Variants in ERBIN observed in about 807,000 individuals in gnomAD.
The protein encoded by ERBIN is densin-180-like protein.
A neutral mutation model predicts 158.4 loss-of-function variants in ERBIN; 60 were observed. The observed-to-expected ratio is 0.38, with a 90% CI of 0.31 to 0.47. The LOEUF is 0.47. Among genes scored for constraint, ERBIN ranks in the 20% least tolerant of loss-of-function variants. ERBIN has a pLI of 0.99. For synonymous variants in ERBIN, 594 were observed against 557.2 expected, an observed-to-expected ratio of 1.07 and a Z score of -0.93; for missense variants, 1,610 against 1,648.0, an observed-to-expected ratio of 0.98 and a Z score of 0.40.
chr5:65,977,439 A>G (rs184976680), intron 1 of ERBIN, among the ~76,000 whole-genome samples: 19,064 of 147,500 alleles, frequency 0.13, 967 homozygotes, highest in South Asian at 0.28. Flanking sequence ...CACTTCTCGG[A>G]CGGGGTGGTT....
At chr5:66,033,692 G>A (rs1312239851) in intron 14 of ERBIN, among the ~76,000 whole-genome samples, 1 of 152,182 alleles carries the variant, frequency 6.6e-6, no homozygotes, top group African/African-American at 2.4e-5. Context: ...AAGAAGGTTG[G>A]ATGAGAAGGA....
At chr5:66,055,515 A>G (rs1417745572) in intron 21 of ERBIN, among the ~76,000 whole-genome samples, 4 of 152,168 alleles carry the variant, frequency 2.6e-5, no homozygotes, top group African/African-American at 9.7e-5. Flanking sequence ...AGTGTTGCTT[A>G]GCAATAGTTG....
intron 16 of ERBIN, 54 bp from the exon 17 acceptor site, chr5:66,044,083 A>G: frequency 7.5e-7 from 1 of 1,332,320 alleles, no homozygotes; most frequent in Non-Finnish European, 1.0e-6. Context: ...ATTTTGTTTG[A>G]GATTGACATT....
intron 1 of ERBIN, among the ~76,000 whole-genome samples, chr5:65,949,951 C>T (rs980752535): frequency 6.6e-6 from 1 of 152,098 alleles, no homozygotes; most frequent in Non-Finnish European, 1.5e-5. Flanking sequence ...GGATTACAGG[C>T]GTGAGCCACT....
At chr5:65,980,510 G>T (rs1359069526) in intron 1 of ERBIN, among the ~76,000 whole-genome samples, 1 of 152,118 alleles carries the variant, frequency 6.6e-6, no homozygotes, top group Admixed American at 6.5e-5. Context: ...AAATATGAAA[G>T]ATCTAAGCCC....
chr5:65,966,886 A>G, intron 1 of ERBIN, among the ~76,000 whole-genome samples: 1 of 152,016 alleles, frequency 6.6e-6, no homozygotes, highest in South Asian at 2.1e-4. Context: ...GGCCTAGGCT[A>G]ATGTGTGTGT....
At position 66,078,655 on chromosome 5, in the gene ERBIN, C is replaced by A; in HGVS notation, c.*125C>A. Reference sequence around the variant, plus strand: ...TCAAAAAATTATGTTCAAATTTGTACATTAATGAAATAATGGAACTTGTGG... The same window carrying A: ...TCAAAAAATTATGTTCAAATTTGTAAATTAATGAAATAATGGAACTTGTGG... On this transcript the variant is annotated 3_prime_UTR_variant, in exon 26 of 26. Transcript: ENST00000284037. 1 of 656,980 alleles carries A rather than the reference C, an allele frequency of 1.5e-6. No homozygotes were observed. The highest frequency in any genetic ancestry group is 2.7e-6 in the Non-Finnish European group (1 of 374,838). The allele number at this position is 656,980 out of a possible 1,614,324, so 40.7% of individuals were successfully genotyped here.
At position 66,076,952 on chromosome 5, in the gene ERBIN, A is replaced by G; in HGVS notation, c.4131+3A>G. On this transcript the variant is annotated splice_donor_region_variant and intron_variant, in intron 25 of 25. Transcript: ENST00000284037. ...AGCCAGGTGATAAAATTATTCAGGT[A>G]ATTAAAATAAATCTTTTTTTTTTTC... The G allele has an allele frequency of 6.4e-7, 1 of 1,571,544 alleles. No individual in the cohort carries two copies. The highest frequency in any genetic ancestry group is 8.7e-7 in the Non-Finnish European group (1 of 1,149,200).
At chr5:66,077,768 A>ACACACACC in intron 25 of ERBIN, among the ~76,000 whole-genome samples, 1 of 136,384 alleles carries the variant, frequency 7.3e-6, no homozygotes, top group Non-Finnish European at 1.6e-5. Context: ...CTACACACAC[A>ACACACACC]CACACACACA....
chr5:65,948,603 G>C (rs1746097514), intron 1 of ERBIN, among the ~76,000 whole-genome samples: 1 of 151,846 alleles, frequency 6.6e-6, no homozygotes, highest in Non-Finnish European at 1.5e-5. Context: ...TTTCTAACTT[G>C]ACCTAAAGAT....
intron 21 of ERBIN, among the ~76,000 whole-genome samples, chr5:66,070,860 A>G (rs574596136): frequency 1.3e-5 from 2 of 152,328 alleles, no homozygotes; most frequent in East Asian, 3.9e-4. Context: ...TGTCATAACA[A>G]AGTAGATTTT....
chr5:65,946,642 A>T (rs1326873560), intron 1 of ERBIN, among the ~76,000 whole-genome samples: 1 of 152,216 alleles, frequency 6.6e-6, no homozygotes, highest in Non-Finnish European at 1.5e-5. Context: ...TCACTGGGAT[A>T]AAAGTATAAG....
At chr5:66,058,324 G>A (rs189782259) in intron 21 of ERBIN, among the ~76,000 whole-genome samples, 2 of 152,142 alleles carry the variant, frequency 1.3e-5, no homozygotes, top group Admixed American at 6.5e-5. Context: ...TTTTTTGGCT[G>A]CATAAGTGTC....
At chr5:66,060,582 T>C (rs13435979) in intron 21 of ERBIN, among the ~76,000 whole-genome samples, 10,056 of 152,044 alleles carry the variant, frequency 0.066, 1,177 homozygotes, top group African/African-American at 0.23. Context: ...CTTCTGCTAG[T>C]TTTTGAATGT....
At chr5:66,066,413 A>G (rs1760995334) in intron 21 of ERBIN, among the ~76,000 whole-genome samples, 1 of 152,032 alleles carries the variant, frequency 6.6e-6, no homozygotes, top group South Asian at 2.1e-4. Context: ...TTCCCAAATT[A>G]AAATTTGCTA....
chr5:65,990,148 AAGG>A (rs1439741660), intron 2 of ERBIN, among the ~76,000 whole-genome samples: 1 of 152,148 alleles, frequency 6.6e-6, no homozygotes, highest in Non-Finnish European at 1.5e-5. Context: ...TTAAATTCTG[AAGG>A]AGGAGTATGT....
rs200001385 is a variant in ERBIN at position 65,992,678 on chromosome 5, G to A, written c.-9-32G>A. 1,464 of 1,501,878 alleles carry A rather than the reference G, an allele frequency of 9.7e-4. 1 individual carries two copies. Among genetic ancestry groups the A allele is most frequent in the Non-Finnish European group, 1.2e-3 (1,380 of 1,108,436 alleles). The allele number at this position is 1,501,878 out of a possible 1,614,324, so 93.0% of individuals were successfully genotyped here. ...TCTGAAAAACCGTTGTAATATGTAT[G>A]TTTTAAATTTCTTTTTATTCGAATA... On this transcript the variant is annotated intron_variant, in intron 2 of 25. Coordinates refer to ENST00000284037, the MANE Select transcript of ERBIN (RefSeq NM_001253697.2).
At chr5:65,944,225 TA>T (rs746234240) in intron 1 of ERBIN, among the ~76,000 whole-genome samples, 1,540 of 18,190 alleles carry the variant, frequency 0.085, 36 homozygotes, top group African/African-American at 0.24. Flanking sequence ...TTTTTTTTTT[TA>T]AGGAACCACC....
At chr5:65,959,900 A>G (rs886836459) in intron 1 of ERBIN, among the ~76,000 whole-genome samples, 1 of 152,214 alleles carries the variant, frequency 6.6e-6, no homozygotes, top group African/African-American at 2.4e-5. Context: ...AAATATTGTT[A>G]AGGCTTTGCG....
Sources: gnomAD v4.1 joint callset for allele counts (sites outside exome capture counted in the v4.1 genomes callset) on GRCh38, gnomAD v4.1.1 for gene constraint, MANE v1.5 for transcripts, NCBI Gene and HGNC (gene_info 2026-07-23, HGNC 2026-07-21) for gene names.